Variants in RGS6 observed in about 807,000 individuals in gnomAD.
The protein encoded by RGS6 is regulator of G-protein signaling 6.
A neutral mutation model predicts 78.5 loss-of-function variants in RGS6; 30 were observed. The ratio of observed to expected loss-of-function variants is 0.38; its 90% CI spans 0.29 to 0.52. RGS6 has a LOEUF of 0.52. RGS6 is among the 20% of genes least tolerant of loss of function. The pLI, the probability that RGS6 is intolerant of heterozygous loss-of-function variation, is 0.85. For synonymous variants in RGS6, 206 were observed against 206.0 expected (o/e 1.00, Z 0.00); for missense variants, 495 against 609.7 (o/e 0.81, Z 1.98).
At chr14:72,123,065 T>G (rs1048842039) in intron 2 of RGS6, among the ~76,000 whole-genome samples, 1 of 152,104 alleles carries the variant, frequency 6.6e-6, no homozygotes, top group African/African-American at 2.4e-5. Flanking sequence ...CTCCTGGGTT[T>G]GAGCGATTCT....
At chr14:72,348,863 A>G (rs562284712) in intron 2 of RGS6, among the ~76,000 whole-genome samples, 2 of 152,298 alleles carry the variant, frequency 1.3e-5, no homozygotes, top group East Asian at 3.9e-4. Flanking sequence ...AAACTTAGTG[A>G]TCTATAAAAA....
intron 2 of RGS6, among the ~76,000 whole-genome samples, chr14:72,035,885 A>C (rs917858615): frequency 2.0e-5 from 3 of 152,136 alleles, no homozygotes; most frequent in African/African-American, 7.2e-5. Flanking sequence ...CATATGGTAA[A>C]ATTGACGTTG....
intron 6 of RGS6, chr14:72,464,611 C>T (rs759428929): frequency 2.0e-5 from 3 of 152,202 alleles, no homozygotes; most frequent in Non-Finnish European, 4.4e-5. Context: ...CTCTGGCCCT[C>T]CCTCTTGATC....
intron 17 of RGS6, among the ~76,000 whole-genome samples, chr14:72,545,431 A>G (rs1001353909): frequency 3.3e-5 from 5 of 152,092 alleles, no homozygotes; most frequent in Non-Finnish European, 7.3e-5. Flanking sequence ...CTTGCTAGCT[A>G]TGTGACCTCA....
At chr14:72,568,716 C>T (rs1051996908), downstream of RGS6, among the ~76,000 whole-genome samples, 1 of 152,214 alleles carries the variant, frequency 6.6e-6, no homozygotes, top group Admixed American at 6.5e-5. Flanking sequence ...GTTTGTCTGA[C>T]GGACCTCATG....
At position 72,408,216 on chromosome 14, in the gene RGS6, G is replaced by C. The variant is rs146948461; in HGVS notation, c.185-46312G>C. Reference sequence around the variant, plus strand: ...GACTGACTTGCACTCAGCAGTTTTAGATCAACTCGAGTCTGTTTATACTAA... The same window carrying C: ...GACTGACTTGCACTCAGCAGTTTTACATCAACTCGAGTCTGTTTATACTAA... On this transcript the variant is annotated intron_variant, in intron 3 of 17. Transcript: ENST00000553525. 8.8e-4 allele frequency among the ~76,000 whole-genome samples: 134 copies of C among 152,302 alleles called. 2 individuals carry two copies. Among genetic ancestry groups the C allele is most frequent in the Middle Eastern group, 3.4e-3 (1 of 294 alleles).
intron 2 of RGS6, among the ~76,000 whole-genome samples, chr14:72,036,122 C>A (rs762222984): frequency 6.6e-6 from 1 of 151,808 alleles, no homozygotes; most frequent in Non-Finnish European, 1.5e-5. Flanking sequence ...GAAATCCTAC[C>A]GTATATAATC....
chr14:72,467,994 T>C (rs555666298), intron 7 of RGS6, among the ~76,000 whole-genome samples: 34 of 152,268 alleles, frequency 2.2e-4, no homozygotes, highest in Admixed American at 5.9e-4. Context: ...ATTTTCAATG[T>C]TTTGGAAAAA....
At chr14:71,970,122 A>G (rs1391276338) in intron 2 of RGS6, among the ~76,000 whole-genome samples, 1 of 152,212 alleles carries the variant, frequency 6.6e-6, no homozygotes, top group African/African-American at 2.4e-5. Flanking sequence ...ACATTTATAA[A>G]ATTATCATTT....
chr14:72,285,216 G>A (rs1397475486), intron 2 of RGS6, among the ~76,000 whole-genome samples: 2 of 152,172 alleles, frequency 1.3e-5, no homozygotes, highest in Admixed American at 6.5e-5. Context: ...GTAAGGACAT[G>A]AGATTTGGGA....
At chr14:72,168,244 A>C (rs1431890936) in intron 2 of RGS6, among the ~76,000 whole-genome samples, 5 of 152,030 alleles carry the variant, frequency 3.3e-5, no homozygotes, top group African/African-American at 1.2e-4. Context: ...CCCAGCCTAC[A>C]TGTCGAGGAT....
intron 3 of RGS6, among the ~76,000 whole-genome samples, chr14:72,423,194 A>G (rs2094279395): frequency 6.6e-6 from 1 of 152,226 alleles, no homozygotes; most frequent in Admixed American, 6.5e-5. Context: ...ATCTTTTTAG[A>G]GAACATGGGT....
chr14:72,413,515 T>C (rs914984828), intron 3 of RGS6, among the ~76,000 whole-genome samples: 3 of 152,138 alleles, frequency 2.0e-5, no homozygotes, highest in Non-Finnish European at 4.4e-5. Flanking sequence ...GTCTTGACTC[T>C]ATCCAATTTG....
chr14:71,939,855 C>T (rs2090214384), intron 1 of RGS6, among the ~76,000 whole-genome samples: 1 of 152,164 alleles, frequency 6.6e-6, no homozygotes, highest in Non-Finnish European at 1.5e-5. Context: ...TCAGTCCCTC[C>T]AGGCACATGA....
chr14:72,585,665 G>A, the RGS6 span, among the ~76,000 whole-genome samples: 1 of 151,910 alleles, frequency 6.6e-6, no homozygotes, highest in African/African-American at 2.4e-5. Flanking sequence ...CTTCAGCCAA[G>A]GGCAATTCTC....
intron 2 of RGS6, among the ~76,000 whole-genome samples, chr14:72,154,050 G>A (rs904849273): frequency 3.9e-5 from 6 of 152,072 alleles, no homozygotes; most frequent in South Asian, 2.1e-4. Context: ...TATAGACCTC[G>A]CCCCAGGAAT....
At chr14:72,386,407 G>T (rs1023204863) in intron 3 of RGS6, among the ~76,000 whole-genome samples, 1 of 152,076 alleles carries the variant, frequency 6.6e-6, no homozygotes, top group African/African-American at 2.4e-5. Flanking sequence ...GCATGGTTTT[G>T]CATGCTTGTA....
At chr14:72,276,381 A>C (rs1040529672) in intron 2 of RGS6, among the ~76,000 whole-genome samples, 3 of 152,206 alleles carry the variant, frequency 2.0e-5, no homozygotes, top group Non-Finnish European at 4.4e-5. Flanking sequence ...AAAAGTCTTT[A>C]AAAAAATAAA....
the RGS6 span, among the ~76,000 whole-genome samples, chr14:72,600,960 AAGGAGG>A: frequency 6.8e-6 from 1 of 146,024 alleles, no homozygotes; most frequent in Admixed American, 6.7e-5. Flanking sequence ...GGGGGAAGGA[AAGGAGG>A]AGGAGGAGGA....
Sources: allele counts gnomAD v4.1 joint callset (sites outside exome capture counted in the v4.1 genomes callset), GRCh38; gene constraint gnomAD v4.1.1; transcripts MANE v1.5; gene names NCBI Gene and HGNC (gene_info 2026-07-23, HGNC 2026-07-21).